The following KCNN2 variants were observed in gnomAD, a reference collection of about 807,000 sequenced individuals.
The protein encoded by KCNN2 is potassium calcium-activated channel subfamily N member 2.
In KCNN2, 24 loss-of-function variants were observed where a neutral mutation model predicts 55.5. That is an observed-to-expected ratio of 0.43 (90% CI 0.31 to 0.61). The LOEUF (loss-of-function observed/expected upper bound fraction) is 0.61, where lower values mean the gene tolerates loss of function less well. KCNN2 is among the 20% of genes least tolerant of loss of function. The pLI is 0.08. For missense variants in KCNN2, 754 were observed against 853.6 expected (o/e 0.88, Z 1.45); for synonymous variants, 431 against 336.1 (o/e 1.28, Z -3.09).
chr5:114,381,069 C>T (rs1002728734), intron 2 of KCNN2, among the ~76,000 whole-genome samples: 6 of 152,070 alleles, frequency 3.9e-5, no homozygotes, highest in East Asian at 1.9e-4. Context: ...CCTTGGTTCA[C>T]GAAAAGCTAA....
At chr5:114,158,818 G>A (rs1158629644) in intron 1 of KCNN2, among the ~76,000 whole-genome samples, 3 of 152,074 alleles carry the variant, frequency 2.0e-5, no homozygotes, top group East Asian at 1.9e-4. Context: ...TGTTATTGGT[G>A]TATAAGAATG....
chr5:114,278,616 C>G (rs1755543685), intron 2 of KCNN2, among the ~76,000 whole-genome samples: 1 of 152,236 alleles, frequency 6.6e-6, no homozygotes, highest in African/African-American at 2.4e-5. Flanking sequence ...ATCCCAGGTC[C>G]ATCTCAGACT....
At chr5:114,479,286 T>G (rs2150130164) in intron 5 of KCNN2, among the ~76,000 whole-genome samples, 1 of 148,274 alleles carries the variant, frequency 6.7e-6, no homozygotes, top group Non-Finnish European at 1.5e-5. Flanking sequence ...CAAAAGAGAC[T>G]TCAAACCAAC....
At chr5:114,490,956 G>C (rs1393293158) in intron 6 of KCNN2, among the ~76,000 whole-genome samples, 1 of 152,096 alleles carries the variant, frequency 6.6e-6, no homozygotes, top group Admixed American at 6.6e-5. Context: ...GCTTAAGCAG[G>C]CTTTTTCTAT....
chr5:114,142,789 C>T (rs1231448179), intron 1 of KCNN2, among the ~76,000 whole-genome samples: 1 of 152,174 alleles, frequency 6.6e-6, no homozygotes, highest in Non-Finnish European at 1.5e-5. Context: ...GGCCATACTG[C>T]CCAATGTAAT....
chr5:114,439,566 G>C (rs1760134662), intron 3 of KCNN2, among the ~76,000 whole-genome samples: 1 of 152,084 alleles, frequency 6.6e-6, no homozygotes, highest in Non-Finnish European at 1.5e-5. Flanking sequence ...GATTTCACTG[G>C]TCTTGGGTTG....
intron 2 of KCNN2, among the ~76,000 whole-genome samples, chr5:114,304,319 T>A (rs1245198087): frequency 6.6e-6 from 1 of 152,168 alleles, no homozygotes; most frequent in African/African-American, 2.4e-5. Context: ...AAAAGGTAGG[T>A]GTCATGGGAG....
intron 2 of KCNN2, among the ~76,000 whole-genome samples, chr5:114,378,372 G>A (rs4705502): frequency 0.3 from 44,944 of 152,042 alleles, 6,970 homozygotes; most frequent in Non-Finnish European, 0.35. Context: ...GGTCAGCAAA[G>A]GCAAGAAGAA....
chr5:114,391,799 TG>T (rs1758458310), intron 2 of KCNN2, among the ~76,000 whole-genome samples: 1 of 152,178 alleles, frequency 6.6e-6, no homozygotes, highest in Non-Finnish European at 1.5e-5. Flanking sequence ...AAAATCCACC[TG>T]ATGGTGACTT....
chr5:114,484,762 C>T, intron 5 of KCNN2, among the ~76,000 whole-genome samples: 1 of 152,064 alleles, frequency 6.6e-6, no homozygotes, highest in East Asian at 1.9e-4. Context: ...GAGGTTTGTT[C>T]CTGTATTTGA....
At chr5:114,280,536 A>T (rs955546513) in intron 2 of KCNN2, among the ~76,000 whole-genome samples, 2 of 152,142 alleles carry the variant, frequency 1.3e-5, no homozygotes, top group Non-Finnish European at 1.5e-5. Context: ...CAGTTTTCCC[A>T]TCACCATTAA....
intron 3 of KCNN2, among the ~76,000 whole-genome samples, chr5:114,409,264 T>G (rs1253936469): frequency 2.6e-5 from 4 of 152,236 alleles, no homozygotes; most frequent in Non-Finnish European, 5.9e-5. Context: ...TTTTCCACAT[T>G]TGGTTTTTAT....
intron 2 of KCNN2, among the ~76,000 whole-genome samples, chr5:114,286,282 G>A (rs1755748003): frequency 6.6e-6 from 1 of 152,176 alleles, no homozygotes; most frequent in African/African-American, 2.4e-5. Flanking sequence ...TAGAGAAGAA[G>A]GTGATGGGTT....
chr5:114,220,650 T>C (rs1255137359), intron 1 of KCNN2, among the ~76,000 whole-genome samples: 7 of 152,052 alleles, frequency 4.6e-5, no homozygotes, highest in Admixed American at 6.6e-5. Context: ...TTGAAAATTA[T>C]GGTCATTTTA....
chr5:114,472,091 T>C (rs1450614530), intron 4 of KCNN2, among the ~76,000 whole-genome samples: 1 of 152,146 alleles, frequency 6.6e-6, no homozygotes, highest in African/African-American at 2.4e-5. Context: ...TCTGGAGGTG[T>C]GACTTCCCTT....
intron 1 of KCNN2, among the ~76,000 whole-genome samples, chr5:114,220,341 T>C (rs1295654820): frequency 6.6e-6 from 1 of 152,076 alleles, no homozygotes; most frequent in Non-Finnish European, 1.5e-5. Flanking sequence ...ATTTAAAGTA[T>C]CTAAATGCTA....
At chr5:114,179,913 A>G (rs901400592) in intron 1 of KCNN2, among the ~76,000 whole-genome samples, 1 of 152,238 alleles carries the variant, frequency 6.6e-6, no homozygotes, top group African/African-American at 2.4e-5. Context: ...TAGAGAAATA[A>G]AACACAAGAA....
intron 1 of KCNN2, among the ~76,000 whole-genome samples, chr5:114,099,972 A>G (rs1275519307): frequency 6.6e-6 from 1 of 151,986 alleles, no homozygotes; most frequent in South Asian, 2.1e-4. Context: ...GAGATGCTCA[A>G]TGTATTTCTT....
chr5:114,335,574 C>A (rs899155566), intron 2 of KCNN2, among the ~76,000 whole-genome samples: 8 of 152,134 alleles, frequency 5.3e-5, no homozygotes, highest in Admixed American at 2.0e-4. Flanking sequence ...GTGGTACATA[C>A]TCCACATACC....
Sources: gnomAD v4.1 joint callset for allele counts (sites outside exome capture counted in the v4.1 genomes callset) on GRCh38, gnomAD v4.1.1 for gene constraint, MANE v1.5 for transcripts, NCBI Gene and HGNC (gene_info 2026-07-23, HGNC 2026-07-21) for gene names.